Variants in ZBTB20 observed in about 807,000 individuals in gnomAD.
ZBTB20 encodes the protein zinc finger and BTB domain-containing protein 20.
ZBTB20 carries 9 observed loss-of-function variants against 56.9 expected under a neutral mutation model. The observed-to-expected ratio is 0.16, with a 90% CI of 0.10 to 0.28. The LOEUF (loss-of-function observed/expected upper bound fraction) is 0.28. ZBTB20 is among the 10% of genes least tolerant of loss of function. The pLI, the probability that ZBTB20 is intolerant of heterozygous loss-of-function variation, is 1.00. For missense variants in ZBTB20, 655 were observed against 1,003.0 expected (o/e 0.65, Z 4.69); for synonymous variants, 417 against 420.7 (o/e 0.99, Z 0.11).
chr3:114,934,779 T>C (rs2076475440), intron 3 of ZBTB20, among the ~76,000 whole-genome samples: 1 of 152,208 alleles, frequency 6.6e-6, no homozygotes, highest in Non-Finnish European at 1.5e-5. Flanking sequence ...TTAAAACTTG[T>C]TGCCTTGTTA....
chr3:115,068,663 A>G lies in ZBTB20; in HGVS notation c.-507+2556T>C, dbSNP rs182376823. 3.6e-3 allele frequency among the ~76,000 whole-genome samples: 543 copies of G among 152,222 alleles called. 3 individuals carry two copies. Among genetic ancestry groups the G allele is most frequent in the African/African-American group, 0.012 (516 of 41,554 alleles). On this transcript the variant is annotated intron_variant, in intron 2 of 11. Coordinates refer to ENST00000675478, the MANE Select transcript of ZBTB20 (RefSeq NM_001348800.3). ...ATAGACTATAATCTGAAGAACAAAT[A>G]GACCTAATTTCCATTATAGGCCCCG...
At chr3:114,537,621 C>CGATCCCA (rs1220028801) in intron 6 of ZBTB20, among the ~76,000 whole-genome samples, 3 of 152,144 alleles carry the variant, frequency 2.0e-5, no homozygotes, top group African/African-American at 7.2e-5. Context: ...TTTGACCCAG[C>CGATCCCA]GATCCCATTA....
At chr3:114,546,312 T>C (rs2049872565) in intron 6 of ZBTB20, among the ~76,000 whole-genome samples, 1 of 152,154 alleles carries the variant, frequency 6.6e-6, no homozygotes, top group Non-Finnish European at 1.5e-5. Context: ...ATAACAACAT[T>C]TGGCAAACTT....
rs199933386 is a variant in ZBTB20 at position 114,417,682 on chromosome 3, CT to C, written c.-254-28578del. On this transcript the variant is annotated intron_variant, in intron 7 of 11. Transcript: ENST00000675478. ...AATTGCTCTTAGTGATCAGGACAGC[CT>C]TATGGAAATCCTTCCAGATGAATAT... Among the ~76,000 whole-genome samples, 619 of 152,086 alleles carry C rather than the reference CT, an allele frequency of 4.1e-3. 19 individuals carry two copies. The highest frequency in any genetic ancestry group is 0.026 in the Admixed American group (403 of 15,234).
chr3:114,927,988 C>A (rs1212213455), intron 3 of ZBTB20, among the ~76,000 whole-genome samples: 1 of 152,158 alleles, frequency 6.6e-6, no homozygotes, highest in African/African-American at 2.4e-5. Context: ...GTGAAAAACA[C>A]CCTCAATTAA....
intron 4 of ZBTB20, among the ~76,000 whole-genome samples, chr3:114,859,280 C>G (rs2075392236): frequency 7.7e-5 from 2 of 25,820 alleles, no homozygotes; most frequent in South Asian, 4.4e-3. Context: ...TTCTTCCTTC[C>G]TTCCTTTCTT....
chr3:114,679,970 A>G (rs2061872447), intron 6 of ZBTB20, among the ~76,000 whole-genome samples: 1 of 152,190 alleles, frequency 6.6e-6, no homozygotes, highest in Admixed American at 6.5e-5. Context: ...AAAGGATGAC[A>G]TCATGTCCCT....
chr3:115,142,833 G>A (rs1206386871), intron 1 of ZBTB20, among the ~76,000 whole-genome samples: 1 of 152,072 alleles, frequency 6.6e-6, no homozygotes, highest in Non-Finnish European at 1.5e-5. Flanking sequence ...TCCTGGAAGA[G>A]GCTGATTATG....
intron 7 of ZBTB20, among the ~76,000 whole-genome samples, chr3:114,413,899 A>G (rs2088242059): frequency 6.6e-6 from 1 of 152,124 alleles, no homozygotes; most frequent in South Asian, 2.1e-4. Context: ...CTGCTACCAC[A>G]CTGCTGCTGT....
chr3:114,935,526 A>G (rs1024557529), intron 3 of ZBTB20, among the ~76,000 whole-genome samples: 1 of 152,246 alleles, frequency 6.6e-6, no homozygotes, highest in Non-Finnish European at 1.5e-5. Flanking sequence ...GGTTAAAGCA[A>G]AAATGCAGAA....
chr3:114,416,951 C>G (rs1481009820), intron 7 of ZBTB20, among the ~76,000 whole-genome samples: 2 of 152,016 alleles, frequency 1.3e-5, no homozygotes, highest in Admixed American at 6.6e-5. Flanking sequence ...GTGATTCATT[C>G]TGAATTTCAG....
chr3:114,726,938 A>AT (rs2065348065), intron 5 of ZBTB20, among the ~76,000 whole-genome samples: 1 of 149,120 alleles, frequency 6.7e-6, no homozygotes, highest in Non-Finnish European at 1.5e-5. Context: ...AAAAAAAAAA[A>AT]AGTCAGTGAG....
At chr3:115,026,748 C>A (rs1030853230) in intron 2 of ZBTB20, among the ~76,000 whole-genome samples, 7 of 150,660 alleles carry the variant, frequency 4.6e-5, no homozygotes, top group African/African-American at 1.7e-4. Flanking sequence ...ACCAACAATT[C>A]TCCCTCCTTT....
chr3:114,960,751 C>T (rs1314473103), intron 3 of ZBTB20, among the ~76,000 whole-genome samples: 1 of 152,052 alleles, frequency 6.6e-6, no homozygotes, highest in Non-Finnish European at 1.5e-5. Context: ...ATCAGAAGTG[C>T]TTTGGATCCA....
intron 10 of ZBTB20, among the ~76,000 whole-genome samples, chr3:114,370,873 A>C (rs1347359839): frequency 6.6e-6 from 1 of 152,146 alleles, no homozygotes; most frequent in Non-Finnish European, 1.5e-5. Flanking sequence ...GATACCTTGG[A>C]GTTATCTTTG....
chr3:114,810,807 C>CGG (rs961859264), intron 4 of ZBTB20, among the ~76,000 whole-genome samples: 10 of 151,638 alleles, frequency 6.6e-5, no homozygotes, highest in Non-Finnish European at 1.3e-4. Context: ...TGTGGGGTGG[C>CGG]GGGGGGGAAG....
In ZBTB20 at chr3:114,547,689, A is replaced by T. The variant is rs1302299787; in HGVS notation, c.-294-47298T>A. Reference sequence around the variant, plus strand: ...GTAATACCTCCTTTGCCCTAATGTTACATAACAGCTTACAATTTTCTTTCA... The same window carrying T: ...GTAATACCTCCTTTGCCCTAATGTTTCATAACAGCTTACAATTTTCTTTCA... On this transcript the variant is annotated intron_variant, in intron 6 of 11. Transcript: ENST00000675478. 4.6e-5 allele frequency among the ~76,000 whole-genome samples: 7 copies of T among 152,220 alleles called. No homozygotes were observed. In the East Asian group the frequency reaches 1.3e-3, roughly 29 times the overall value.
chr3:115,116,196 T>G (rs2084013473), intron 1 of ZBTB20, among the ~76,000 whole-genome samples: 1 of 152,064 alleles, frequency 6.6e-6, no homozygotes, highest in Non-Finnish European at 1.5e-5. Flanking sequence ...TTTAACAAAC[T>G]CCACTCTCTC....
rs148269986 is a variant in ZBTB20 at position 114,836,702 on chromosome 3, C to T, written c.-416-35528G>A. On this transcript the variant is annotated intron_variant, in intron 4 of 11. Coordinates refer to ENST00000675478, the MANE Select transcript of ZBTB20 (RefSeq NM_001348800.3). ...CAAACACAAAAGTACATCCCAAACC[C>T]GACCATTCCTCACTATCTCTGCTAT... is the stretch of plus-strand genomic sequence containing the variant. Among the ~76,000 whole-genome samples the T allele has an allele frequency of 1.9e-4, 29 of 152,230 alleles. 1 individual carries two copies. Among genetic ancestry groups the T allele is most frequent in the African/African-American group, 5.8e-4 (24 of 41,534 alleles).
Sources: gnomAD v4.1 joint callset for allele counts (sites outside exome capture counted in the v4.1 genomes callset) on GRCh38, gnomAD v4.1.1 for gene constraint, MANE v1.5 for transcripts, NCBI Gene and HGNC (gene_info 2026-07-23, HGNC 2026-07-21) for gene names.